Variants in DENND4C observed in about 807,000 individuals in gnomAD.
The protein encoded by DENND4C is DENN domain containing 4C.
In DENND4C, 108 loss-of-function variants were observed where a neutral mutation model predicts 203.0. The observed-to-expected ratio is 0.53, with a 90% CI of 0.46 to 0.62. DENND4C has a LOEUF of 0.62. DENND4C is among the 20% of genes least tolerant of loss of function. The pLI is 0.00. For synonymous variants in DENND4C, 871 were observed against 792.4 expected (o/e 1.10, Z -1.67); for missense variants, 2,481 against 2,301.2 (o/e 1.08, Z -1.60).
chr9:19,305,885 T>C (rs900111459), intron 10 of DENND4C, among the ~76,000 whole-genome samples: 1 of 152,214 alleles, frequency 6.6e-6, no homozygotes, highest in African/African-American at 2.4e-5. Flanking sequence ...GTAAGTAAAA[T>C]GGGTTTACCC....
chr9:19,368,773 C>G (rs1035357943), intron 30 of DENND4C, among the ~76,000 whole-genome samples: 5 of 151,966 alleles, frequency 3.3e-5, no homozygotes, highest in African/African-American at 1.2e-4. Flanking sequence ...TCACTCCAGC[C>G]TGGGTGACGG....
rs188201054 is a variant in DENND4C, at chr9:19,327,738, C to A, written c.2121-292C>A. ...TTTTTTAAACATAAATTATTGAATACATGGATTATCTTGAAAGAGTTATTT... is the reference window on the plus strand; with the variant it reads ...TTTTTTAAACATAAATTATTGAATAAATGGATTATCTTGAAAGAGTTATTT... On this transcript the variant is annotated intron_variant, in intron 15 of 32. Transcript: ENST00000434457. 1.2e-4 allele frequency among the ~76,000 whole-genome samples: 18 copies of A among 151,684 alleles called. No homozygotes were observed. In the East Asian group the frequency reaches 3.5e-3, roughly 29 times the overall value.
intron 1 of DENND4C, among the ~76,000 whole-genome samples, chr9:19,250,560 A>C (rs571431242): frequency 1.3e-5 from 2 of 152,134 alleles, no homozygotes; most frequent in African/African-American, 2.4e-5. Context: ...CATTAACTCA[A>C]AAGTCCACAG....
intron 1 of DENND4C, among the ~76,000 whole-genome samples, chr9:19,242,190 G>C (rs761986826): frequency 1.1e-4 from 16 of 152,048 alleles, no homozygotes; most frequent in Non-Finnish European, 1.9e-4. Flanking sequence ...AGCCTTTCTG[G>C]ACTAGCTTCT....
At chr9:19,274,380 C>G (rs10811160) in intron 1 of DENND4C, among the ~76,000 whole-genome samples, 34,633 of 151,872 alleles carry the variant, frequency 0.23, 4,884 homozygotes, top group Non-Finnish European at 0.33. Context: ...ACCGCAACCT[C>G]CGCCTACCGG....
intron 10 of DENND4C, among the ~76,000 whole-genome samples, chr9:19,313,577 C>A (rs1467892810): frequency 6.6e-6 from 1 of 152,178 alleles, no homozygotes; most frequent in East Asian, 1.9e-4. Flanking sequence ...AGAAGTTGAT[C>A]AGAGTTAAAC....
intron 9 of DENND4C, among the ~76,000 whole-genome samples, chr9:19,303,451 G>A (rs1346731591): frequency 6.6e-6 from 1 of 152,164 alleles, no homozygotes; most frequent in African/African-American, 2.4e-5. Context: ...TTTCATGCAT[G>A]ACAGCAGAGT....
chr9:19,347,325 T>A (rs1411375362), intron 23 of DENND4C, among the ~76,000 whole-genome samples: 1 of 152,154 alleles, frequency 6.6e-6, no homozygotes, highest in Non-Finnish European at 1.5e-5. Flanking sequence ...GAGATGAGGT[T>A]TCACCATGTT....
chr9:19,266,751 T>C (rs1013097824), intron 1 of DENND4C, among the ~76,000 whole-genome samples: 1 of 152,152 alleles, frequency 6.6e-6, no homozygotes, highest in Non-Finnish European at 1.5e-5. Flanking sequence ...TAATAAATGG[T>C]GCTGGGAAAA....
At chr9:19,319,463 A>G (rs1302681156) in intron 12 of DENND4C, among the ~76,000 whole-genome samples, 1 of 113,704 alleles carries the variant, frequency 8.8e-6, no homozygotes, top group Non-Finnish European at 1.9e-5. Context: ...TATATATATA[A>G]ATTTTGAGGG....
intron 10 of DENND4C, among the ~76,000 whole-genome samples, chr9:19,306,058 G>T (rs1295181865): frequency 1.3e-5 from 2 of 152,174 alleles, no homozygotes; most frequent in Non-Finnish European, 2.9e-5. Context: ...TACAGCAGTG[G>T]TACAGCTGAG....
In DENND4C at chr9:19,304,189, A is replaced by ATTT. The variant is rs34462752; in HGVS notation, c.1312-1152_1312-1150dup. 9.8e-4 allele frequency among the ~76,000 whole-genome samples: 140 copies of ATTT among 142,422 alleles called. 2 individuals are homozygous for ATTT. The East Asian group carries it at 0.018, about 19-fold the overall frequency. The allele number at this position is 142,422 out of a possible 152,430, so 93.4% of individuals were successfully genotyped here. A position where few individuals can be genotyped will look rare whatever the true frequency, so the allele number is the denominator to read the frequency against. ...CTAGATAGAGGAATATTTTATATTGATTTTTTTTTTTTTGAGACAGAGTCT... is the reference window on the plus strand; with the variant it reads ...CTAGATAGAGGAATATTTTATATTGATTTTTTTTTTTTTTTTGAGACAGAGTCT... On this transcript the variant is annotated intron_variant, in intron 9 of 32. Coordinates refer to ENST00000434457, the MANE Select transcript of DENND4C (RefSeq NM_001330640.2).
intron 16 of DENND4C, among the ~76,000 whole-genome samples, chr9:19,328,513 T>C (rs911957899): frequency 1.3e-5 from 2 of 152,070 alleles, no homozygotes; most frequent in African/African-American, 4.8e-5. Context: ...CTCGGGAGGC[T>C]AAGGCAGGAG....
In DENND4C at chr9:19,328,038, A is replaced by G. The variant is rs141370335; in HGVS notation, c.2129A>G (p.Tyr710Cys). Residue 710 changes from tyrosine to cysteine, a missense_variant, in exon 16 of 33, where the codon TAC becomes TGC. Tyr to Cys is a radical substitution (Grantham distance 194). This residue lies in a region of DENND4C where 2,289 missense variants were observed against 2,113.3 expected (regional missense o/e 1.08). Transcript: ENST00000434457. Reference sequence around the variant, plus strand: ...TTTTTTTTTTATTTTAGTTACAAATACTTTCCAAGACTGGACCTTAAGCTT... The same window carrying G: ...TTTTTTTTTTATTTTAGTTACAAATGCTTTCCAAGACTGGACCTTAAGCTT... ...KDLSPKYSYK[Y>C]FPRLDLKLFD... is the part of the protein sequence containing the mutation. 17 of 1,591,498 alleles carry G rather than the reference A, an allele frequency of 1.1e-5. No individual in the cohort carries two copies. In the African/African-American group the frequency reaches 2.0e-4, roughly 19 times the overall value.
intron 23 of DENND4C, among the ~76,000 whole-genome samples, chr9:19,350,219 C>T (rs1823776071): frequency 6.6e-6 from 1 of 152,160 alleles, no homozygotes; most frequent in Admixed American, 6.6e-5. Context: ...GAAATTATCA[C>T]AGCAGCTTTA....
At chr9:19,285,006 A>C (rs1834901172) in intron 2 of DENND4C, among the ~76,000 whole-genome samples, 1 of 152,174 alleles carries the variant, frequency 6.6e-6, no homozygotes, top group Admixed American at 6.5e-5. Context: ...CCTTATGTTT[A>C]GATCTGTGAT....
rs41269019 is a variant in DENND4C at position 19,290,796 on chromosome 9, A to C, written c.721A>C (p.Ile241Leu). The C allele has an allele frequency of 0.027, 43,489 of 1,612,498 alleles. 684 individuals are homozygous for C. The highest frequency in any genetic ancestry group is 0.033 in the Non-Finnish European group (39,016 of 1,179,062). The change falls in exon 5 of 33, where the codon ATT (isoleucine) becomes CTT (leucine). Residue 241 changes from isoleucine (I) to leucine (L), a missense_variant. Around this residue, in one of 3 missense-constraint regions of DENND4C, gnomAD observed 2,289 missense variants for 2,113.3 expected, o/e 1.08. Transcript: ENST00000434457. Reference sequence around the variant, plus strand: ...TTTCTGCCTTCCTATGGGAGCTACTATTGAGTGCTGGGATCCTGAAACCAA... The same window carrying C: ...TTTCTGCCTTCCTATGGGAGCTACTCTTGAGTGCTGGGATCCTGAAACCAA... ...PLFCLPMGAT[I>L]ECWDPETKYP...
chr9:19,238,107 A>C (rs1397149982), intron 1 of DENND4C, among the ~76,000 whole-genome samples: 1 of 145,152 alleles, frequency 6.9e-6, no homozygotes, highest in African/African-American at 2.6e-5. Flanking sequence ...TTTGAGATAG[A>C]GTTTCACTCG....
In DENND4C at chr9:19,319,403, T is replaced by C. The variant is rs138215362; in HGVS notation, c.1807+2564T>C. On this transcript the variant is annotated intron_variant, in intron 12 of 32. Transcript: ENST00000434457. ...ATACATATATATATACATATATATA[T>C]ACACACATATATATATACATATATA... Among the ~76,000 whole-genome samples, 622 of 142,244 alleles carry C rather than the reference T, an allele frequency of 4.4e-3. 4 individuals carry two copies. Among genetic ancestry groups the C allele is most frequent in the Non-Finnish European group, 6.4e-3 (425 of 66,526 alleles). 93.3% of individuals were successfully genotyped at this position (142,244 alleles called of 152,430 possible).
Sources: allele counts gnomAD v4.1 joint callset (sites outside exome capture counted in the v4.1 genomes callset), GRCh38; gene constraint gnomAD v4.1.1; regional missense constraint gnomAD v4.1.1; transcripts MANE v1.5; gene names NCBI Gene and HGNC (gene_info 2026-07-23, HGNC 2026-07-21).